The following CD200R1L variants were observed in gnomAD, a reference collection of about 807,000 sequenced individuals.
The protein encoded by CD200R1L is cell surface glycoprotein CD200 receptor 2.
In CD200R1L, 14 loss-of-function variants were observed where a neutral mutation model predicts 24.8. That is an observed-to-expected ratio of 0.56 (90% confidence interval 0.37 to 0.88). The LOEUF (loss-of-function observed/expected upper bound fraction) is 0.88. CD200R1L is among the 40% of genes least tolerant of loss of function. CD200R1L has a pLI of 0.00. For synonymous variants in CD200R1L, 111 were observed against 109.2 expected (o/e 1.02, Z -0.11); for missense variants, 299 against 297.8 (o/e 1.00, Z -0.03).
At position 112,827,482 on chromosome 3, in the gene CD200R1L, A is replaced by G; in HGVS notation, c.252T>C (p.Asp84=). 6.2e-7 allele frequency: 1 copy of G among 1,614,112 alleles called. No individual in the cohort carries two copies. Among genetic ancestry groups the G allele is most frequent in the Non-Finnish European group, 8.5e-7 (1 of 1,180,000 alleles). Residue 84 remains aspartate (D), a synonymous_variant, in exon 5 of 8, where the codon GAT becomes GAC. Coordinates refer to ENST00000488794, the MANE Select transcript of CD200R1L (RefSeq NM_001199215.3). ...VERITWVSRP[D]QNSDLQIRPV... ...GACGAATCTGAAGGTCCGAATTCTG[A>G]TCAGGTCTAGAGACCCAGGTTATTC... is the stretch of plus-strand genomic sequence containing the variant.
chr3:112,829,528 T>C, intron 3 of CD200R1L, 144 bp from the exon 4 acceptor site: 1 of 1,298,222 alleles, frequency 7.7e-7, no homozygotes, highest in Non-Finnish European at 1.0e-6. Flanking sequence ...AAAACAGAAA[T>C]TAGAAGTTAT....
intron 6 of CD200R1L, among the ~76,000 whole-genome samples, chr3:112,821,796 C>A (rs574425784): frequency 7.9e-5 from 12 of 152,310 alleles, no homozygotes; most frequent in African/African-American, 2.2e-4. Flanking sequence ...GCTGGATGAA[C>A]ATTACAGATT....
chr3:112,824,675 A>G (rs1576088100), intron 6 of CD200R1L, among the ~76,000 whole-genome samples: 4 of 152,248 alleles, frequency 2.6e-5, no homozygotes, highest in African/African-American at 9.6e-5. Context: ...AATACGAGGA[A>G]AACGCATCAG....
At chr3:112,823,913 A>C (rs950639963) in intron 6 of CD200R1L, among the ~76,000 whole-genome samples, 2 of 68,060 alleles carry the variant, frequency 2.9e-5, no homozygotes, top group Admixed American at 1.9e-4. Context: ...GAGAATAGTG[A>C]AGCGCAAGGC....
At chr3:112,835,266 G>A (rs1049043717) in intron 3 of CD200R1L, among the ~76,000 whole-genome samples, 1 of 152,138 alleles carries the variant, frequency 6.6e-6, no homozygotes, top group African/African-American at 2.4e-5. Flanking sequence ...GTGTCCTGAT[G>A]AGTGTTTGGT....
rs1576094745 is a variant in CD200R1L, at chr3:112,834,470, T to A, written c.-18+3472A>T. ...ACACACTAAGAATTCCTCTAAGCTATAGCTAAGCTATAGCTGTCCCCTAGT... is the reference window on the plus strand; with the variant it reads ...ACACACTAAGAATTCCTCTAAGCTAAAGCTAAGCTATAGCTGTCCCCTAGT... On this transcript the variant is annotated intron_variant, in intron 3 of 7. Coordinates refer to ENST00000488794, the MANE Select transcript of CD200R1L (RefSeq NM_001199215.3). Among the ~76,000 whole-genome samples the A allele has an allele frequency of 6.6e-5, 10 of 152,178 alleles. No individual in the cohort carries two copies. The South Asian group carries it at 2.1e-3, about 32-fold the overall frequency.
intron 4 of CD200R1L, 123 bp from the exon 5 acceptor site, chr3:112,827,807 G>A: frequency 1.1e-6 from 1 of 889,676 alleles, no homozygotes; most frequent in Non-Finnish European, 1.7e-6. Flanking sequence ...TCTTATTCCA[G>A]AAATATTAGA....
chr3:112,820,466 T>C (rs974376151), intron 6 of CD200R1L, among the ~76,000 whole-genome samples: 1 of 152,130 alleles, frequency 6.6e-6, no homozygotes, highest in African/African-American at 2.4e-5. Context: ...AGTCTTGCAT[T>C]GTCTCTCAGG....
At chr3:112,832,730 G>T (rs927901864) in intron 3 of CD200R1L, among the ~76,000 whole-genome samples, 1 of 152,166 alleles carries the variant, frequency 6.6e-6, no homozygotes, top group Non-Finnish European at 1.5e-5. Flanking sequence ...GCAGTATGTG[G>T]TTATTGATCT....
At position 112,819,755 on chromosome 3, in the gene CD200R1L, C is replaced by A; in HGVS notation, c.740+17G>T. ...TTTTTCTACTGTGTCTTATGCTTTTCAGTCTTCAGTTCCTACCTGACATGA... is the reference window on the plus strand; with the variant it reads ...TTTTTCTACTGTGTCTTATGCTTTTAAGTCTTCAGTTCCTACCTGACATGA... On this transcript the variant is annotated intron_variant, in intron 7 of 7. Coordinates refer to ENST00000488794, the MANE Select transcript of CD200R1L (RefSeq NM_001199215.3). The A allele has an allele frequency of 6.3e-7, 1 of 1,580,000 alleles. No homozygotes were observed. Among genetic ancestry groups the A allele is most frequent in the South Asian group, 1.2e-5 (1 of 84,518 alleles).
chr3:112,831,174 G>T (rs1430325216), intron 3 of CD200R1L, among the ~76,000 whole-genome samples: 1 of 152,038 alleles, frequency 6.6e-6, no homozygotes, highest in Non-Finnish European at 1.5e-5. Context: ...AATGATTTTT[G>T]TATAATTTTA....
At chr3:112,817,520 C>T (rs1039131344) in intron 7 of CD200R1L, among the ~76,000 whole-genome samples, 16 of 152,176 alleles carry the variant, frequency 1.1e-4, no homozygotes, top group Non-Finnish European at 7.3e-5. Context: ...CTCCCTGTTT[C>T]CTATTCACCA....
chr3:112,837,749 T>C (rs1233539594), intron 3 of CD200R1L, among the ~76,000 whole-genome samples, 193 bp downstream of exon 3: 1 of 151,840 alleles, frequency 6.6e-6, no homozygotes, highest in Non-Finnish European at 1.5e-5. Flanking sequence ...TTTTGTGTGC[T>C]ACTAAGAAAT....
chr3:112,826,212 TAACC>T (rs1938653398), intron 6 of CD200R1L, among the ~76,000 whole-genome samples: 1 of 152,080 alleles, frequency 6.6e-6, no homozygotes, highest in Non-Finnish European at 1.5e-5. Context: ...ATATATATAA[TAACC>T]AACATTTATT....
chr3:112,842,491 C>G (rs914814884), intron 2 of CD200R1L, among the ~76,000 whole-genome samples: 2 of 152,030 alleles, frequency 1.3e-5, no homozygotes, highest in African/African-American at 4.8e-5. Context: ...AATCAGTGCA[C>G]CTTGAAAAAG....
chr3:112,819,528 T>C (rs1341052962), intron 7 of CD200R1L, among the ~76,000 whole-genome samples: 1 of 152,178 alleles, frequency 6.6e-6, no homozygotes, highest in Non-Finnish European at 1.5e-5. Flanking sequence ...CTAGGCCACT[T>C]CTCTCCTAGA....
chr3:112,820,351 A>T (rs904093505), intron 6 of CD200R1L, among the ~76,000 whole-genome samples: 17 of 152,270 alleles, frequency 1.1e-4, no homozygotes, highest in Non-Finnish European at 1.5e-4. Flanking sequence ...ATATCTTCCT[A>T]CTTTCATTTT....
chr3:112,829,182 T>G (rs1938737339), intron 4 of CD200R1L, 137 bp downstream of exon 4: 3 of 632,818 alleles, frequency 4.7e-6, no homozygotes, highest in Non-Finnish European at 8.4e-6. Context: ...TCAGGGTCCT[T>G]CGTACCACAG....
In CD200R1L at chr3:112,827,018, C is replaced by T. The variant is rs764759365; in HGVS notation, c.591G>A (p.Lys197=). ...TCHVSHLTGN[K]SLSVKLNSGL... is the part of the protein sequence containing the mutation. ...CTGAATTCAACTTTACGGACAGACTCTTGTTGCCAGTCAAATGGGAGACAT... is the reference window on the plus strand; with the variant it reads ...CTGAATTCAACTTTACGGACAGACTTTTGTTGCCAGTCAAATGGGAGACAT... Residue 197 remains lysine, a synonymous_variant, in exon 6 of 8, where the codon AAG becomes AAA. Transcript: ENST00000488794. The T allele has an allele frequency of 6.8e-6, 11 of 1,611,796 alleles. No homozygotes were observed. In the Admixed American group the frequency reaches 1.2e-4, roughly 17 times the overall value.
Sources: allele counts gnomAD v4.1 joint callset (sites outside exome capture counted in the v4.1 genomes callset), GRCh38; gene constraint gnomAD v4.1.1; transcripts MANE v1.5; gene names NCBI Gene and HGNC (gene_info 2026-07-23, HGNC 2026-07-21).